ATP13A5: variants seen among roughly 807,000 people sequenced by gnomAD.
ATP13A5 encodes probable cation-transporting ATPase 13A5.
Under a neutral mutation model 150.2 loss-of-function variants are expected in ATP13A5, and 149 were observed. The ratio of observed to expected loss-of-function variants is 0.99; its 90% CI spans 0.87 to 1.14. ATP13A5 has a LOEUF of 1.14. Ranked by LOEUF, ATP13A5 falls within the 50% of genes most tolerant of loss-of-function variation. The pLI is 0.00. For missense variants in ATP13A5, 1,383 were observed against 1,449.3 expected, an observed-to-expected ratio of 0.95 and a Z score of 0.74; for synonymous variants, 497 against 522.2, an observed-to-expected ratio of 0.95 and a Z score of 0.66.
intron 1 of ATP13A5, among the ~76,000 whole-genome samples, chr3:193,365,203 G>A (rs1007574908): frequency 2.0e-5 from 3 of 152,160 alleles, no homozygotes; most frequent in South Asian, 2.1e-4. Flanking sequence ...ACTGAACTCT[G>A]AATTTTCAGG....
intron 20 of ATP13A5, 149 bp downstream of exon 20, chr3:193,311,667 A>C (rs1718853270): frequency 5.2e-6 from 6 of 1,162,756 alleles, no homozygotes; most frequent in Non-Finnish European, 7.0e-6. Context: ...AAAGGGCCAG[A>C]AAACTTTTTC....
intron 6 of ATP13A5, among the ~76,000 whole-genome samples, chr3:193,352,974 G>A (rs549327215): frequency 6.1e-4 from 93 of 152,118 alleles, no homozygotes; most frequent in Non-Finnish European, 1.1e-3. Context: ...GAGACAGAAC[G>A]TGTCCCTTAG....
At chr3:193,322,410 C>T in intron 15 of ATP13A5, 81 bp downstream of exon 15, 1 of 1,089,058 alleles carries the variant, frequency 9.2e-7, no homozygotes, top group Non-Finnish European at 1.4e-6. Context: ...AATAATAGGA[C>T]TATAAAAATA....
intron 18 of ATP13A5, among the ~76,000 whole-genome samples, chr3:193,314,740 G>A (rs931770541): frequency 1.3e-5 from 2 of 152,184 alleles, no homozygotes; most frequent in African/African-American, 2.4e-5. Context: ...ACAGATCCTG[G>A]CTGGGAGGGG....
intron 25 of ATP13A5, among the ~76,000 whole-genome samples, chr3:193,297,459 T>C (rs1282523175): frequency 6.6e-6 from 1 of 152,050 alleles, no homozygotes; most frequent in Non-Finnish European, 1.5e-5. Context: ...TGTTTGCAGG[T>C]AGAGGGTAAA....
chr3:193,279,436 A>G lies in ATP13A5; in HGVS notation c.3245T>C (p.Leu1082Pro), dbSNP rs1190504216. The change falls in exon 28 of 30, where the codon CTG becomes CCG. Residue 1082 changes from leucine (L) to proline (P), a missense_variant. This residue lies in a region of ATP13A5 where 568 missense variants were observed against 621.5 expected (regional missense o/e 0.91). Transcript: ENST00000342358. ...IYTNYIFSFL[L>P]LAALGLTIFI... The stretch of plus-strand genomic sequence containing the variant: ...AATTGTGAGGCCCAAGGCAGCTAGC[A>G]GCAGAAATGAAAATATATCTGAGGA... 1.9e-6 allele frequency: 3 copies of G among 1,613,508 alleles called. No individual in the cohort carries two copies. The highest frequency in any genetic ancestry group is 2.7e-5 in the African/African-American group (2 of 74,926).
At chr3:193,291,536 G>T (rs1717954221) in intron 25 of ATP13A5, among the ~76,000 whole-genome samples, 1 of 152,138 alleles carries the variant, frequency 6.6e-6, no homozygotes, top group South Asian at 2.1e-4. Context: ...ACTCAGGAAG[G>T]GTCCTGCCAA....
chr3:193,279,253 C>G (rs1717368438), intron 28 of ATP13A5, 113 bp downstream of exon 28: 1 of 800,918 alleles, frequency 1.2e-6, no homozygotes, highest in African/African-American at 1.7e-5. Flanking sequence ...TAGAAATAGC[C>G]TCACAGTATT....
chr3:193,305,466 C>T (rs10937578), intron 23 of ATP13A5, 93 bp downstream of exon 23: 481,390 of 998,850 alleles, frequency 0.48, 120,142 homozygotes, highest in Non-Finnish European at 0.52. Flanking sequence ...TCTGTTGCAG[C>T]ATTTATCACT....
At chr3:193,352,326 C>G (rs755923739) in intron 6 of ATP13A5, among the ~76,000 whole-genome samples, 1 of 152,104 alleles carries the variant, frequency 6.6e-6, no homozygotes, top group Non-Finnish European at 1.5e-5. Context: ...TTATAAAATG[C>G]TCTGATTGTA....
At chr3:193,300,367 T>C (rs987133362) in intron 24 of ATP13A5, among the ~76,000 whole-genome samples, 2 of 152,156 alleles carry the variant, frequency 1.3e-5, no homozygotes, top group African/African-American at 4.8e-5. Flanking sequence ...TAATTTGTTC[T>C]TTTGGATGAA....
Position 193,319,011 on chromosome 3 carries a change from T to G in ATP13A5, c.2013A>C (p.Ser671=). Residue 671 remains serine (S), a synonymous_variant, in exon 17 of 30, where the codon TCA becomes TCC. Coordinates refer to ENST00000342358, the MANE Select transcript of ATP13A5 (RefSeq NM_198505.4). ...AHKTLKMGNL[S]EVEHLAREKV... ...CTTACCTGGCTAAGTGCTCGACTTC[T>G]GAAAGATTCCCCATCTTTAAGGTTT... 1.9e-6 allele frequency: 3 copies of G among 1,613,850 alleles called. No individual in the cohort carries two copies. The highest frequency in any genetic ancestry group is 2.5e-6 in the Non-Finnish European group (3 of 1,179,748).
In ATP13A5 at chr3:193,324,966, G is replaced by A; in HGVS notation, c.1572C>T (p.Ser524=). 1.2e-6 allele frequency: 2 copies of A among 1,614,046 alleles called. No homozygotes were observed. The highest frequency in any genetic ancestry group is 1.7e-6 in the Non-Finnish European group (2 of 1,179,932). ...SFASGQAVPW[S]PLCAAMASCH... is the part of the protein sequence containing the mutation. ...AGCTGGCCATGGCCGCACACAGTGG[G>A]CTCCATGGCACAGCCTGGCCTGAGG... Residue 524 remains serine, a synonymous_variant, in exon 14 of 30, where the codon AGC becomes AGT. Coordinates refer to ENST00000342358, the MANE Select transcript of ATP13A5 (RefSeq NM_198505.4).
At chr3:193,307,224 G>A in intron 22 of ATP13A5, 103 bp downstream of exon 22, 2 of 1,588,536 alleles carry the variant, frequency 1.3e-6, no homozygotes, top group Non-Finnish European at 1.7e-6. Flanking sequence ...ATAATCAAAT[G>A]GTTGCTGGTG....
Position 193,362,230 on chromosome 3 carries a change from G to T in ATP13A5, c.536+151C>A. 1.0e-5 allele frequency: 7 copies of T among 674,354 alleles called. No homozygotes were observed. The South Asian group carries it at 1.2e-4, about 12-fold the overall frequency. 41.8% of individuals were successfully genotyped at this position (674,354 alleles called of 1,614,324 possible). A position where few individuals can be genotyped will look rare whatever the true frequency, so the allele number is the denominator to read the frequency against. ...GTAAAAATAAGTTTGCCTAAGAAAAGAACAATTTAGGATATCTCCGCTGCC... is the reference window on the plus strand; with the variant it reads ...GTAAAAATAAGTTTGCCTAAGAAAATAACAATTTAGGATATCTCCGCTGCC... On this transcript the variant is annotated intron_variant, in intron 5 of 29. Coordinates refer to ENST00000342358, the MANE Select transcript of ATP13A5 (RefSeq NM_198505.4).
chr3:193,314,913 T>A, intron 18 of ATP13A5, 59 bp downstream of exon 18: 2 of 1,593,636 alleles, frequency 1.3e-6, no homozygotes, highest in Non-Finnish European at 1.7e-6. Context: ...AGCTCACACA[T>A]CTTGTTCTTA....
chr3:193,353,380 C>T (rs1169599909), intron 6 of ATP13A5, among the ~76,000 whole-genome samples: 1 of 150,608 alleles, frequency 6.6e-6, no homozygotes, highest in Non-Finnish European at 1.5e-5. Flanking sequence ...AAATAAAACA[C>T]TAACAAAGGG....
At chr3:193,361,386 T>C (rs1179471388) in intron 5 of ATP13A5, among the ~76,000 whole-genome samples, 2 of 152,176 alleles carry the variant, frequency 1.3e-5, no homozygotes, top group East Asian at 3.9e-4. Context: ...TGTGTGAGAA[T>C]TATGGGGGTT....
chr3:193,322,765 AT>A, intron 14 of ATP13A5, among the ~76,000 whole-genome samples, 191 bp from the exon 15 acceptor site: 1 of 152,240 alleles, frequency 6.6e-6, no homozygotes, highest in Non-Finnish European at 1.5e-5. Context: ...TTATTGTAGA[AT>A]GTCAAAAGCC....
Sources: allele counts gnomAD v4.1 joint callset (sites outside exome capture counted in the v4.1 genomes callset), GRCh38; gene constraint gnomAD v4.1.1; regional missense constraint gnomAD v4.1.1; transcripts MANE v1.5; gene names NCBI Gene and HGNC (gene_info 2026-07-23, HGNC 2026-07-21).